The following LHFPL2 variants were observed in gnomAD, a reference collection of about 807,000 sequenced individuals.
The protein encoded by LHFPL2 is LHFPL tetraspan subfamily member 2 protein.
A neutral mutation model predicts 17.5 loss-of-function variants in LHFPL2; 7 were observed. The observed-to-expected ratio is 0.40, with a 90% CI of 0.23 to 0.75. The LOEUF is 0.75. Among genes scored for constraint, LHFPL2 ranks in the 30% least tolerant of loss-of-function variants. The pLI is 0.37. For missense variants in LHFPL2, 241 were observed against 294.8 expected (o/e 0.82, Z 1.34); for synonymous variants, 134 against 116.2 (o/e 1.15, Z -0.99).
intron 4 of LHFPL2, among the ~76,000 whole-genome samples, chr5:78,507,975 CAT>C (rs3058314): frequency 1.8e-4 from 26 of 146,268 alleles, no homozygotes; most frequent in Non-Finnish European, 3.3e-4. Flanking sequence ...CACACACACA[CAT>C]GCCCCTGAGG....
chr5:78,548,534 G>T (rs1756351338), intron 3 of LHFPL2, among the ~76,000 whole-genome samples: 1 of 152,206 alleles, frequency 6.6e-6, no homozygotes, highest in South Asian at 2.1e-4. Flanking sequence ...CCCACAGCTG[G>T]TCAGCAAACA....
intron 1 of LHFPL2, among the ~76,000 whole-genome samples, chr5:78,635,830 C>A (rs1745428705): frequency 6.6e-6 from 1 of 150,984 alleles, no homozygotes; most frequent in South Asian, 2.1e-4. Flanking sequence ...CAAACAACAA[C>A]AAAAAACAAC....
At chr5:78,494,459 C>T in intron 4 of LHFPL2, 1 of 985,322 alleles carries the variant, frequency 1.0e-6, no homozygotes, top group Non-Finnish European at 1.2e-6. Context: ...GTTCTAACAG[C>T]CTCATTGTAC....
At chr5:78,624,383 C>G (rs533283006) in intron 2 of LHFPL2, among the ~76,000 whole-genome samples, 3 of 152,302 alleles carry the variant, frequency 2.0e-5, no homozygotes, top group East Asian at 1.9e-4. Flanking sequence ...AGGAGGCACA[C>G]AAATTCCACC....
At chr5:78,568,438 A>G (rs1793837451) in intron 2 of LHFPL2, among the ~76,000 whole-genome samples, 9 of 152,312 alleles carry the variant, frequency 5.9e-5, no homozygotes, top group Admixed American at 5.9e-4. Flanking sequence ...CACGGCCCCC[A>G]CGTGATGGGC....
chr5:78,487,033 T>A lies in LHFPL2; in HGVS notation c.*1864A>T, dbSNP rs1360430272. ...GCCTCTTTCTGTGTGGTGTTAGAGA[T>A]ATGGTTAAGGTTTCCTAGGCTGCTA... is the stretch of plus-strand genomic sequence containing the variant. On this transcript the variant is annotated 3_prime_UTR_variant, in exon 5 of 5. Transcript: ENST00000380345. 2.6e-5 allele frequency: 4 copies of A among 152,198 alleles called. No individual in the cohort carries two copies. Among genetic ancestry groups the A allele is most frequent in the Non-Finnish European group, 5.9e-5 (4 of 68,032 alleles). The allele number at this position is 152,198 out of a possible 1,614,324, so 9.4% of individuals were successfully genotyped here.
intron 2 of LHFPL2, chr5:78,625,156 C>G (rs1744987499): frequency 1.3e-5 from 2 of 152,038 alleles, no homozygotes; most frequent in Non-Finnish European, 2.9e-5. Flanking sequence ...ACTCCTGTTG[C>G]TACAGTGACC....
chr5:78,630,872 T>G (rs574958733), intron 2 of LHFPL2, among the ~76,000 whole-genome samples: 9 of 152,106 alleles, frequency 5.9e-5, no homozygotes, highest in Admixed American at 1.3e-4. Context: ...CTGGCTAGAT[T>G]TAAGTGCCAC....
In LHFPL2 at chr5:78,538,828, T is replaced by C. The variant is rs563694747; in HGVS notation, c.-186+25985A>G. On this transcript the variant is annotated intron_variant, in intron 3 of 4. Transcript: ENST00000380345. ...TCCCATTGTCTTTGAGATGCACAGG[T>C]TGCCTCAGGTCTGCAGCCACACACC... is the stretch of plus-strand genomic sequence containing the variant. Among the ~76,000 whole-genome samples, 424 of 152,266 alleles carry C rather than the reference T, an allele frequency of 2.8e-3. 3 individuals carry two copies. Among genetic ancestry groups the C allele is most frequent in the African/African-American group, 9.7e-3 (405 of 41,546 alleles).
At chr5:78,564,744 T>G (rs1756815602) in intron 3 of LHFPL2, 69 bp downstream of exon 3, 1 of 152,214 alleles carries the variant, frequency 6.6e-6, no homozygotes, top group African/African-American at 2.4e-5. Context: ...TTTCAAGAAG[T>G]TGCCATTCGC....
chr5:78,628,607 C>T (rs1343563758), intron 2 of LHFPL2, among the ~76,000 whole-genome samples: 2 of 152,216 alleles, frequency 1.3e-5, no homozygotes, highest in Non-Finnish European at 2.9e-5. Flanking sequence ...AGGAGGTCAG[C>T]ATGGTTAACT....
rs908000645 is a variant in LHFPL2, at chr5:78,488,337, C to T, written c.*560G>A. ...TAGAATAAGTTCCACAGCATGACTCCACGCCATCCCTGCTGACCCCTTTGG... is the reference window on the plus strand; with the variant it reads ...TAGAATAAGTTCCACAGCATGACTCTACGCCATCCCTGCTGACCCCTTTGG... On this transcript the variant is annotated 3_prime_UTR_variant, in exon 5 of 5. Coordinates refer to ENST00000380345, the MANE Select transcript of LHFPL2 (RefSeq NM_005779.3). 2 of 160,184 alleles carry T rather than the reference C, an allele frequency of 1.2e-5. No homozygotes were observed. Among genetic ancestry groups the T allele is most frequent in the Non-Finnish European group, 1.4e-5 (1 of 72,086 alleles). 9.9% of individuals were successfully genotyped at this position (160,184 alleles called of 1,614,324 possible).
intron 3 of LHFPL2, among the ~76,000 whole-genome samples, chr5:78,550,926 G>A (rs923985738): frequency 6.6e-6 from 1 of 152,176 alleles, no homozygotes; most frequent in African/African-American, 2.4e-5. Context: ...GGAATAGAGA[G>A]AATTTATTTT....
chr5:78,598,671 G>A (rs370176855), intron 2 of LHFPL2, among the ~76,000 whole-genome samples: 1 of 152,124 alleles, frequency 6.6e-6, no homozygotes, highest in South Asian at 2.1e-4. Flanking sequence ...CTTACAATGG[G>A]ATTCTTTTTA....
intron 2 of LHFPL2, among the ~76,000 whole-genome samples, chr5:78,576,080 G>A (rs1757125158): frequency 6.6e-6 from 1 of 152,114 alleles, no homozygotes; most frequent in Admixed American, 6.5e-5. Flanking sequence ...TGGATCACGA[G>A]GTCAGGATAT....
At position 78,489,074 on chromosome 5, in the gene LHFPL2, A is replaced by G. The variant is rs753120727; in HGVS notation, c.510T>C (p.Tyr170=). 9 of 1,614,116 alleles carry G rather than the reference A, an allele frequency of 5.6e-6. No individual in the cohort carries two copies. Among genetic ancestry groups the G allele is most frequent in the Non-Finnish European group, 7.6e-6 (9 of 1,180,034 alleles). The change falls in exon 5 of 5, where the codon TAT becomes TAC. Residue 170 remains tyrosine, a synonymous_variant. Transcript: ENST00000380345. ...CQKAIDYCGH[Y]ASAYKPGDCS... The stretch of plus-strand genomic sequence containing the variant: ...AGTCTCCAGGTTTGTAGGCAGATGC[A>G]TAATGTCCACAGTAGTCTATGGCCT...
chr5:78,544,160 T>G (rs1756197732), intron 3 of LHFPL2, among the ~76,000 whole-genome samples: 1 of 152,172 alleles, frequency 6.6e-6, no homozygotes, highest in Admixed American at 6.5e-5. Context: ...GTCTTCCAGA[T>G]ATAGTTTGTC....
chr5:78,622,342 C>A (rs755659337), intron 2 of LHFPL2, among the ~76,000 whole-genome samples: 3 of 152,208 alleles, frequency 2.0e-5, no homozygotes, highest in Non-Finnish European at 4.4e-5. Flanking sequence ...ACGATAGCAG[C>A]GCCAATGACT....
At chr5:78,598,237 T>G (rs1743893424) in intron 2 of LHFPL2, among the ~76,000 whole-genome samples, 1 of 152,228 alleles carries the variant, frequency 6.6e-6, no homozygotes, top group South Asian at 2.1e-4. Context: ...ACAAAATGCA[T>G]TACATTCCTT....
Sources: allele counts gnomAD v4.1 joint callset (sites outside exome capture counted in the v4.1 genomes callset), GRCh38; gene constraint gnomAD v4.1.1; transcripts MANE v1.5; gene names NCBI Gene and HGNC (gene_info 2026-07-23, HGNC 2026-07-21).